UPF2: variants seen among roughly 807,000 people sequenced by gnomAD.
UPF2 encodes the protein UPF2 regulator of nonsense mediated mRNA decay, also known as regulator of nonsense transcripts 2.
UPF2 carries 17 observed loss-of-function variants against 141.4 expected under a neutral mutation model. The ratio of observed to expected loss-of-function variants is 0.12; its 90% CI spans 0.08 to 0.18. UPF2 has a LOEUF of 0.18. Among genes scored for constraint, UPF2 ranks in the 10% least tolerant of loss-of-function variants. The pLI is 1.00. For synonymous variants in UPF2, 540 were observed against 498.0 expected (o/e 1.08, Z -1.12); for missense variants, 1,152 against 1,515.9 (o/e 0.76, Z 3.99).
chr10:12,001,951 A>G, intron 5 of UPF2, 126 bp from the exon 6 acceptor site: 1 of 823,548 alleles, frequency 1.2e-6, no homozygotes, highest in Non-Finnish European at 1.8e-6. Context: ...TGGCAACTGA[A>G]GTTAATATAT....
At chr10:11,977,476 AC>A (rs1440706514) in intron 9 of UPF2, among the ~76,000 whole-genome samples, 1 of 151,930 alleles carries the variant, frequency 6.6e-6, no homozygotes, top group Non-Finnish European at 1.5e-5. Flanking sequence ...CCCAACTCTC[AC>A]CCCCATTTTC....
At chr10:12,004,497 A>C in intron 5 of UPF2, 33 bp downstream of exon 5, 1 of 1,538,658 alleles carries the variant, frequency 6.5e-7, no homozygotes, top group South Asian at 1.2e-5. Flanking sequence ...TTCTTATAGC[A>C]CTTAATGTAA....
At position 12,040,134 on chromosome 10, in the gene UPF2, C is replaced by T. The variant is rs1459264654; in HGVS notation, c.-19+2621G>A. 1.1e-4 allele frequency among the ~76,000 whole-genome samples: 17 copies of T among 152,002 alleles called. 1 individual carries two copies. Reference sequence around the variant, plus strand: ...CTGCAGTAGGCATGCAAGAATTAGACTCGGGGCTGGGCATGGTGGCTCATG... The same window carrying T: ...CTGCAGTAGGCATGCAAGAATTAGATTCGGGGCTGGGCATGGTGGCTCATG... On this transcript the variant is annotated intron_variant, in intron 1 of 21. Coordinates refer to ENST00000357604, the MANE Select transcript of UPF2 (RefSeq NM_015542.4).
Position 11,921,191 on chromosome 10 carries a change from TAG to T in UPF2, c.*105_*106del. 8 of 1,514,730 alleles carry T rather than the reference TAG, an allele frequency of 5.3e-6. No homozygotes were observed. The highest frequency in any genetic ancestry group is 7.3e-6 in the Non-Finnish European group (8 of 1,089,538). 93.8% of individuals were successfully genotyped at this position (1,514,730 alleles called of 1,614,324 possible). On this transcript the variant is annotated 3_prime_UTR_variant, in exon 22 of 22. Coordinates refer to ENST00000357604, the MANE Select transcript of UPF2 (RefSeq NM_015542.4). This position sits in a 1 kb window ranked among gnomAD's most constrained non-coding sequence, Gnocchi z 5.9. ...TCCCAGGTTTAGATTCGCAACTCTCTAGACCGACCTGCTGAGATGTGTCCACT... is the reference window on the plus strand; with the variant it reads ...TCCCAGGTTTAGATTCGCAACTCTCTACCGACCTGCTGAGATGTGTCCACT...
chr10:11,925,915 T>C (rs144598140), intron 21 of UPF2, among the ~76,000 whole-genome samples: 8 of 152,238 alleles, frequency 5.3e-5, no homozygotes, highest in Non-Finnish European at 1.0e-4. Flanking sequence ...GAGGAGCCAT[T>C]GGATGATTTT....
intron 15 of UPF2, among the ~76,000 whole-genome samples, chr10:11,949,173 C>G (rs1381039647): frequency 3.3e-5 from 5 of 152,130 alleles, no homozygotes; most frequent in Non-Finnish European, 7.4e-5. Flanking sequence ...TGTTGGAATT[C>G]CAATCCACCC....
chr10:12,041,212 T>A (rs1238295751), intron 1 of UPF2, among the ~76,000 whole-genome samples: 1 of 152,228 alleles, frequency 6.6e-6, no homozygotes, highest in Non-Finnish European at 1.5e-5. Flanking sequence ...TCATCTAAAG[T>A]GTTTCCAAAA....
intron 2 of UPF2, 146 bp downstream of exon 2, chr10:12,034,913 G>T: frequency 8.2e-7 from 1 of 1,224,778 alleles, no homozygotes; most frequent in Non-Finnish European, 1.1e-6. Context: ...CCTCTAGTCA[G>T]TGAAACTAAC....
chr10:11,921,240 G>A lies in UPF2; in HGVS notation c.*58C>T. On this transcript the variant is annotated 3_prime_UTR_variant, in exon 22 of 22. Coordinates refer to ENST00000357604, the MANE Select transcript of UPF2 (RefSeq NM_015542.4). The surrounding 1 kb of genome is among the most constrained non-coding windows in gnomAD (Gnocchi z 5.9). Reference sequence around the variant, plus strand: ...CACTGCTCTCATTCAATTGCTGGAGGACTCCACTAACCACAACATCAGATA... The same window carrying A: ...CACTGCTCTCATTCAATTGCTGGAGAACTCCACTAACCACAACATCAGATA... 6.2e-7 allele frequency: 1 copy of A among 1,611,312 alleles called. No homozygotes were observed. Among genetic ancestry groups the A allele is most frequent in the Non-Finnish European group, 8.5e-7 (1 of 1,177,472 alleles).
At chr10:12,003,253 T>C (rs889555796) in intron 5 of UPF2, among the ~76,000 whole-genome samples, 2 of 152,184 alleles carry the variant, frequency 1.3e-5, no homozygotes, top group Non-Finnish European at 2.9e-5. Context: ...CTAAAACATC[T>C]ACTAATCAGC....
rs1434138527 is a variant in UPF2, at chr10:11,953,255, C to T, written c.2851-1006G>A. Among the ~76,000 whole-genome samples the T allele has an allele frequency of 6.6e-6, 1 of 152,164 alleles. No individual in the cohort carries two copies. The highest frequency in any genetic ancestry group is 2.4e-5 in the African/African-American group (1 of 41,432). The stretch of plus-strand genomic sequence containing the variant: ...AGGTCCTTGCTACTCCAAGTGTGGA[C>T]CTCATCTGGGAGCTTCTTAGAAATG... On this transcript the variant is annotated intron_variant, in intron 14 of 21. Transcript: ENST00000357604. The surrounding 1 kb of genome is among the most constrained non-coding windows in gnomAD (Gnocchi z 5.0).
intron 16 of UPF2, among the ~76,000 whole-genome samples, chr10:11,946,684 C>T (rs1221793658): frequency 1.3e-5 from 2 of 152,130 alleles, no homozygotes; most frequent in East Asian, 1.9e-4. Flanking sequence ...ACCCCTAACC[C>T]ATTCCCCAAT....
At chr10:11,929,724 C>G (rs1222744372) in intron 21 of UPF2, 141 bp downstream of exon 21, 2 of 1,223,872 alleles carry the variant, frequency 1.6e-6, no homozygotes, top group East Asian at 4.8e-5. Flanking sequence ...ATCTACTTTT[C>G]TATTTTGCTA....
chr10:11,985,874 T>G (rs781359587), intron 8 of UPF2, among the ~76,000 whole-genome samples: 1 of 128,676 alleles, frequency 7.8e-6, no homozygotes, highest in South Asian at 2.8e-4. Context: ...GAAAAATAAT[T>G]AGATCCTTCC....
intron 9 of UPF2, among the ~76,000 whole-genome samples, chr10:11,975,813 G>A (rs1336248525): frequency 6.6e-6 from 1 of 152,122 alleles, no homozygotes; most frequent in South Asian, 2.1e-4. Context: ...CACCGCGCCC[G>A]GCCCTAAAAA....
At chr10:11,943,555 AAC>A (rs1215664386) in intron 16 of UPF2, among the ~76,000 whole-genome samples, 1 of 152,208 alleles carries the variant, frequency 6.6e-6, no homozygotes, top group Non-Finnish European at 1.5e-5. Context: ...GTTCAAATGT[AAC>A]AGCATTACCA....
intron 4 of UPF2, among the ~76,000 whole-genome samples, chr10:12,011,902 G>A (rs983098237): frequency 1.4e-4 from 21 of 151,428 alleles, no homozygotes; most frequent in African/African-American, 3.9e-4. Flanking sequence ...CCGAGATCGC[G>A]CCTTTGCACT....
chr10:11,946,367 T>C (rs1286741569), intron 16 of UPF2, among the ~76,000 whole-genome samples: 1 of 152,214 alleles, frequency 6.6e-6, no homozygotes, highest in African/African-American at 2.4e-5. Flanking sequence ...AATAAAGCTT[T>C]TTAAAAATCC....
rs571374366 is a variant in UPF2, at chr10:11,954,661, T to C, written c.2850+571A>G. On this transcript the variant is annotated intron_variant, in intron 14 of 21. Transcript: ENST00000357604. ...AAAAAAAAATATATATATATATATATACATATATATATCTTTTAGAAACAA... is the reference window on the plus strand; with the variant it reads ...AAAAAAAAATATATATATATATATACACATATATATATCTTTTAGAAACAA... Among the ~76,000 whole-genome samples the C allele has an allele frequency of 4.1e-4, 60 of 146,338 alleles. 2 individuals carry two copies. The highest frequency in any genetic ancestry group is 1.2e-3 in the African/African-American group (49 of 40,128).
Sources: gnomAD v4.1 joint callset for allele counts (sites outside exome capture counted in the v4.1 genomes callset) on GRCh38, gnomAD v4.1.1 for gene constraint, Gnocchi (gnomAD v3.1) non-coding constraint, MANE v1.5 for transcripts, NCBI Gene and HGNC (gene_info 2026-07-23, HGNC 2026-07-21) for gene names.